The following ANO10 variants were observed in gnomAD, a reference collection of about 807,000 sequenced individuals.
ANO10 encodes the protein anoctamin-10.
A neutral mutation model predicts 74.7 loss-of-function variants in ANO10; 77 were observed. The ratio of observed to expected loss-of-function variants is 1.03; its 90% CI spans 0.86 to 1.25. ANO10 has a LOEUF of 1.25. ANO10 is among the 50% of genes most tolerant of loss of function. The probability of loss-of-function intolerance (pLI) is 0.00; values close to 1 mark genes in which losing one functional copy is unlikely to be tolerated. For synonymous variants in ANO10, 279 were observed against 284.9 expected, an observed-to-expected ratio of 0.98 and a Z score of 0.21; for missense variants, 721 against 778.1, an observed-to-expected ratio of 0.93 and a Z score of 0.87.
At chr3:43,460,944 G>A (rs1341565525) in intron 11 of ANO10, among the ~76,000 whole-genome samples, 2 of 151,176 alleles carry the variant, frequency 1.3e-5, no homozygotes, top group African/African-American at 4.9e-5. Context: ...TAGAAAAGCT[G>A]AGGAATCTAA....
intron 6 of ANO10, 88 bp from the exon 7 acceptor site, chr3:43,574,952 G>A (rs946422397): frequency 2.9e-5 from 31 of 1,054,840 alleles, no homozygotes; most frequent in Non-Finnish European, 4.3e-5. Flanking sequence ...CATTGAGGGC[G>A]GAGATGTCCA....
intron 1 of ANO10, among the ~76,000 whole-genome samples, chr3:43,617,183 A>C (rs898650253): frequency 2.0e-5 from 3 of 149,824 alleles, no homozygotes; most frequent in African/African-American, 7.4e-5. Flanking sequence ...AAAAAATGGA[A>C]ACAAAATACC....
chr3:43,489,501 C>T (rs992371916), intron 11 of ANO10, among the ~76,000 whole-genome samples: 7 of 151,942 alleles, frequency 4.6e-5, no homozygotes, highest in Non-Finnish European at 7.4e-5. Flanking sequence ...ATTAATCTGC[C>T]TTTTGCAAGT....
chr3:43,407,773 T>C (rs910306903), intron 12 of ANO10, among the ~76,000 whole-genome samples: 3 of 152,118 alleles, frequency 2.0e-5, no homozygotes, highest in Non-Finnish European at 4.4e-5. Context: ...GGAGGAAAAG[T>C]GGACAACAGG....
chr3:43,648,015 C>T (rs1177507707), intron 1 of ANO10, among the ~76,000 whole-genome samples: 1 of 152,198 alleles, frequency 6.6e-6, no homozygotes, highest in Non-Finnish European at 1.5e-5. Flanking sequence ...TTCTTCACCT[C>T]TCTCAAGGGA....
intron 1 of ANO10, among the ~76,000 whole-genome samples, chr3:43,679,015 G>A (rs772249995): frequency 1.3e-5 from 2 of 152,174 alleles, no homozygotes; most frequent in Non-Finnish European, 2.9e-5. Flanking sequence ...CAGCATGAGT[G>A]ACGCAGAAGA....
chr3:43,453,391 G>A (rs995981055), intron 11 of ANO10, among the ~76,000 whole-genome samples: 4 of 152,110 alleles, frequency 2.6e-5, no homozygotes, highest in African/African-American at 9.7e-5. Flanking sequence ...GTGTTAGCCA[G>A]GATGGTCTCG....
intron 4 of ANO10, among the ~76,000 whole-genome samples, chr3:43,593,815 C>T (rs2081937016): frequency 1.3e-5 from 2 of 152,166 alleles, no homozygotes; most frequent in Non-Finnish European, 2.9e-5. Flanking sequence ...CACAGACTGG[C>T]AAATTGGATA....
chr3:43,371,941 G>A (rs1471499713), intron 12 of ANO10, among the ~76,000 whole-genome samples: 1 of 152,154 alleles, frequency 6.6e-6, no homozygotes, highest in Admixed American at 6.5e-5. Context: ...GCCTGTCTGG[G>A]CTTGGTGGTG....
rs143090824 is a variant in ANO10 at position 43,522,653 on chromosome 3, A to G, written c.1797+27067T>C. On this transcript the variant is annotated intron_variant, in intron 11 of 12. Transcript: ENST00000292246. Reference sequence around the variant, plus strand: ...TTTTACTTGCAAGCCACAAATACCAATTCTGGTGTATCTGGGCAAAGAAGA... The same window carrying G: ...TTTTACTTGCAAGCCACAAATACCAGTTCTGGTGTATCTGGGCAAAGAAGA... Among the ~76,000 whole-genome samples, 830 of 152,330 alleles carry G rather than the reference A, an allele frequency of 5.4e-3. 5 individuals carry two copies. The highest frequency in any genetic ancestry group is 0.018 in the African/African-American group (753 of 41,570).
intron 1 of ANO10, among the ~76,000 whole-genome samples, chr3:43,631,007 G>A (rs1279545934): frequency 2.0e-5 from 3 of 152,182 alleles, no homozygotes; most frequent in Non-Finnish European, 4.4e-5. Flanking sequence ...TTCCTGGCTG[G>A]AAGGAGTTTG....
chr3:43,418,916 C>T (rs1174658334), intron 12 of ANO10, among the ~76,000 whole-genome samples: 1 of 152,236 alleles, frequency 6.6e-6, no homozygotes, highest in Non-Finnish European at 1.5e-5. Context: ...CTTTCATTTA[C>T]GTATGTCTAA....
intron 1 of ANO10, among the ~76,000 whole-genome samples, chr3:43,618,591 G>C (rs1187783848): frequency 6.6e-6 from 1 of 152,136 alleles, no homozygotes; most frequent in Non-Finnish European, 1.5e-5. Flanking sequence ...ACTTGGTAAA[G>C]AGTAAAGGCC....
intron 11 of ANO10, among the ~76,000 whole-genome samples, chr3:43,462,939 C>T (rs953029175): frequency 1.3e-5 from 2 of 152,324 alleles, no homozygotes; most frequent in East Asian, 3.9e-4. Context: ...GGTGTTGAGG[C>T]TGTGAGCACA....
At position 43,596,510 on chromosome 3, in the gene ANO10, G is replaced by A. The variant is rs529801734; in HGVS notation, c.472+2022C>T. Among the ~76,000 whole-genome samples the A allele has an allele frequency of 3.3e-5, 5 of 152,046 alleles. No individual in the cohort carries two copies. In the South Asian group the frequency reaches 1.0e-3, roughly 32 times the overall value. ...CAAACCTGACAAAAACAAGAAATAGGGAAAGGATTCCCTATTTAATAAATG... is the reference window on the plus strand; with the variant it reads ...CAAACCTGACAAAAACAAGAAATAGAGAAAGGATTCCCTATTTAATAAATG... On this transcript the variant is annotated intron_variant, in intron 4 of 12. Coordinates refer to ENST00000292246, the MANE Select transcript of ANO10 (RefSeq NM_018075.5).
chr3:43,616,114 A>C (rs991636466), intron 1 of ANO10, among the ~76,000 whole-genome samples: 35 of 152,202 alleles, frequency 2.3e-4, no homozygotes, highest in Non-Finnish European at 4.1e-4. Context: ...GGATCCGTAC[A>C]TAAGCATATC....
chr3:43,386,039 G>A (rs1463958009), intron 12 of ANO10, among the ~76,000 whole-genome samples: 1 of 152,164 alleles, frequency 6.6e-6, no homozygotes, highest in Admixed American at 6.5e-5. Flanking sequence ...TCTCCCCCAG[G>A]CTCCTGTGGC....
At chr3:43,688,403 T>C (rs772387910) in intron 1 of ANO10, among the ~76,000 whole-genome samples, 3 of 152,196 alleles carry the variant, frequency 2.0e-5, no homozygotes, top group Non-Finnish European at 2.9e-5. Flanking sequence ...GGCAACACTA[T>C]TGTGGAGGCT....
At chr3:43,445,122 C>CAAAAA (rs10689478) in intron 11 of ANO10, among the ~76,000 whole-genome samples, 1 of 91,504 alleles carries the variant, frequency 1.1e-5, no homozygotes, top group African/African-American at 4.3e-5. Context: ...GACTTTGCCT[C>CAAAAA]AAAAAAAAAA....
Sources: gnomAD v4.1 joint callset for allele counts (sites outside exome capture counted in the v4.1 genomes callset) on GRCh38, gnomAD v4.1.1 for gene constraint, MANE v1.5 for transcripts, NCBI Gene and HGNC (gene_info 2026-07-23, HGNC 2026-07-21) for gene names.